The following PCDHGA9 variants were observed in gnomAD, a reference collection of about 807,000 sequenced individuals.
PCDHGA9 encodes the protein protocadherin gamma-A9.
In PCDHGA9, 37 loss-of-function variants were observed where a neutral mutation model predicts 62.5. The ratio of observed to expected loss-of-function variants is 0.59; its 90% CI spans 0.46 to 0.78. The LOEUF (loss-of-function observed/expected upper bound fraction) is 0.78. Ranked by LOEUF, PCDHGA9 falls within the 30% of genes least tolerant of loss-of-function variation. The pLI, the probability that PCDHGA9 is intolerant of heterozygous loss-of-function variation, is 0.00. For missense variants in PCDHGA9, 1,138 were observed against 1,166.2 expected, an observed-to-expected ratio of 0.98 and a Z score of 0.35; for synonymous variants, 459 against 484.6, an observed-to-expected ratio of 0.95 and a Z score of 0.69.
Position 141,489,140 on chromosome 5 carries a change from G to A in PCDHGA9, c.2425-5667G>A. ...CCTCCGAGCAGTTTTTAAGAGGCTG[G>A]AAGGAGACATAAGAGACTTCAGCTG... is the stretch of plus-strand genomic sequence containing the variant. On this transcript the variant is annotated intron_variant, in intron 1 of 3. Transcript: ENST00000573521. The surrounding 1 kb of genome is among the most constrained non-coding windows in gnomAD (Gnocchi z 4.5). The A allele has an allele frequency of 1.2e-6, 1 of 841,390 alleles. No individual in the cohort carries two copies. Among genetic ancestry groups the A allele is most frequent in the South Asian group, 2.1e-5 (1 of 47,082 alleles). The allele number at this position is 841,390 out of a possible 1,614,324, so 52.1% of individuals were successfully genotyped here.
In PCDHGA9 at chr5:141,477,625, C is replaced by T; in HGVS notation, c.2425-17182C>T. ...TTCTCTTGGAGCAAGGAGCTGAAACCGGGCTAGTGGGTCGCTATTTCACAA... is the reference window on the plus strand; with the variant it reads ...TTCTCTTGGAGCAAGGAGCTGAAACTGGGCTAGTGGGTCGCTATTTCACAA... On this transcript the variant is annotated intron_variant, in intron 1 of 3. Coordinates refer to ENST00000573521, the MANE Select transcript of PCDHGA9 (RefSeq NM_018921.3). This position sits in a 1 kb window ranked among gnomAD's most constrained non-coding sequence, Gnocchi z 4.9. The T allele has an allele frequency of 1.2e-6, 2 of 1,614,200 alleles. No homozygotes were observed. Among genetic ancestry groups the T allele is most frequent in the Non-Finnish European group, 1.7e-6 (2 of 1,180,046 alleles).
Position 141,489,195 on chromosome 5 carries a change from A to G in PCDHGA9, c.2425-5612A>G, listed in dbSNP as rs200660227. ...ATTCCAAGCCCTGGGTCTACCTTGG[A>G]GACAGGACAGCACAGACTTACTCTC... is the stretch of plus-strand genomic sequence containing the variant. On this transcript the variant is annotated intron_variant, in intron 1 of 3. Transcript: ENST00000573521. This position sits in a 1 kb window ranked among gnomAD's most constrained non-coding sequence, Gnocchi z 4.5. 1.8e-5 allele frequency: 25 copies of G among 1,383,116 alleles called. No individual in the cohort carries two copies. The East Asian group carries it at 4.8e-4, about 27-fold the overall frequency. 85.7% of individuals were successfully genotyped at this position (1,383,116 alleles called of 1,614,324 possible). A position where few individuals can be genotyped will look rare whatever the true frequency, so the allele number is the denominator to read the frequency against.
At chr5:141,466,180 A>T (rs566514149) in intron 1 of PCDHGA9, among the ~76,000 whole-genome samples, 100 of 151,254 alleles carry the variant, frequency 6.6e-4, no homozygotes, top group African/African-American at 2.1e-3. Context: ...TTTTATTTTT[A>T]TTTTTTTTCA....
In PCDHGA9 at chr5:141,419,975, G is replaced by A. The variant is rs372316838; in HGVS notation, c.2424+14599G>A. ...CTTGATTTCTGTGCTCTTTCTCCTC[G>A]CGGTGATTCTAGCTATTGCTCTACG... On this transcript the variant is annotated intron_variant, in intron 1 of 3. Coordinates refer to ENST00000573521, the MANE Select transcript of PCDHGA9 (RefSeq NM_018921.3). 273 of 1,613,928 alleles carry A rather than the reference G, an allele frequency of 1.7e-4. No homozygotes were observed. The highest frequency in any genetic ancestry group is 2.2e-4 in the Non-Finnish European group (261 of 1,179,916).
chr5:141,487,889 T>C lies in PCDHGA9; in HGVS notation c.2425-6918T>C, dbSNP rs984668596. On this transcript the variant is annotated intron_variant, in intron 1 of 3. Transcript: ENST00000573521. The surrounding 1 kb of genome is among the most constrained non-coding windows in gnomAD (Gnocchi z 5.0). ...CAAGAGCCAGGCTGTTGTGGAAGCA[T>C]GATGATGGAATGTGGGAGCACAGGA... 6.7e-6 allele frequency: 5 copies of C among 747,180 alleles called. No homozygotes were observed. The highest frequency in any genetic ancestry group is 1.1e-5 in the Non-Finnish European group (5 of 464,054). The allele number at this position is 747,180 out of a possible 1,614,324, so 46.3% of individuals were successfully genotyped here. A position where few individuals can be genotyped will look rare whatever the true frequency, so the allele number is the denominator to read the frequency against.
chr5:141,490,862 C>G lies in PCDHGA9; in HGVS notation c.2425-3945C>G. 1 of 1,613,878 alleles carries G rather than the reference C, an allele frequency of 6.2e-7. No homozygotes were observed. Among genetic ancestry groups the G allele is most frequent in the East Asian group, 2.2e-5 (1 of 44,874 alleles). ...GTGGTGGGGGTTCGAGACTCCGGCTCTCCCCCATTGCATGCCAACACATCT... is the reference window on the plus strand; with the variant it reads ...GTGGTGGGGGTTCGAGACTCCGGCTGTCCCCCATTGCATGCCAACACATCT... On this transcript the variant is annotated intron_variant, in intron 1 of 3. Coordinates refer to ENST00000573521, the MANE Select transcript of PCDHGA9 (RefSeq NM_018921.3). The surrounding 1 kb of genome is among the most constrained non-coding windows in gnomAD (Gnocchi z 5.4).
intron 1 of PCDHGA9, chr5:141,415,449 C>G: frequency 6.2e-7 from 1 of 1,614,182 alleles, no homozygotes; most frequent in Admixed American, 1.7e-5. Context: ...AGACCTATTC[C>G]CACGAGGTCT....
intron 1 of PCDHGA9, chr5:141,423,728 T>C (rs1312071121): frequency 9.4e-6 from 10 of 1,067,510 alleles, no homozygotes; most frequent in Non-Finnish European, 1.1e-5. Context: ...AGATGTTTTT[T>C]GAGCCTGTTA....
intron 1 of PCDHGA9, among the ~76,000 whole-genome samples, chr5:141,457,015 A>T (rs1216403373): frequency 6.6e-6 from 1 of 152,182 alleles, no homozygotes; most frequent in Admixed American, 6.5e-5. Context: ...AATCCAATAA[A>T]AAGTCCTAGT....
In PCDHGA9 at chr5:141,423,972, T is replaced by C. The variant is rs1459859824; in HGVS notation, c.2424+18596T>C. ...TTTAGTATTATTTTTCTATTATCAG[T>C]GTATGAGGCTCTCAATTTATTATAT... On this transcript the variant is annotated intron_variant, in intron 1 of 3. Transcript: ENST00000573521. 4 of 1,128,544 alleles carry C rather than the reference T, an allele frequency of 3.5e-6. No homozygotes were observed. The East Asian group carries it at 1.9e-4, about 53-fold the overall frequency. The allele number at this position is 1,128,544 out of a possible 1,614,324, so 69.9% of individuals were successfully genotyped here.
At chr5:141,409,515 T>G (rs1273041163) in intron 1 of PCDHGA9, 1 of 1,613,844 alleles carries the variant, frequency 6.2e-7, no homozygotes, top group Non-Finnish European at 8.5e-7. Context: ...AGTAGAAGCA[T>G]CACCTTGTAT....
intron 1 of PCDHGA9, chr5:141,478,831 G>C: frequency 7.0e-7 from 1 of 1,435,672 alleles, no homozygotes; most frequent in Non-Finnish European, 9.1e-7. Flanking sequence ...ATCTTGCTAA[G>C]GGATGGTTAA....
Position 141,487,622 on chromosome 5 carries a change from C to A in PCDHGA9, c.2425-7185C>A. 1 of 1,614,174 alleles carries A rather than the reference C, an allele frequency of 6.2e-7. No homozygotes were observed. Among genetic ancestry groups the A allele is most frequent in the Non-Finnish European group, 8.5e-7 (1 of 1,180,030 alleles). ...TCTTCTCTATGGGCTAGAGGTGAGACCTTTGCAGGCTCAACAAATGCTTGA... is the reference window on the plus strand; with the variant it reads ...TCTTCTCTATGGGCTAGAGGTGAGAACTTTGCAGGCTCAACAAATGCTTGA... On this transcript the variant is annotated intron_variant, in intron 1 of 3. Transcript: ENST00000573521. The surrounding 1 kb of genome is among the most constrained non-coding windows in gnomAD (Gnocchi z 5.0).
At chr5:141,458,359 A>C (rs2098943826) in intron 1 of PCDHGA9, among the ~76,000 whole-genome samples, 1 of 152,142 alleles carries the variant, frequency 6.6e-6, no homozygotes, top group Non-Finnish European at 1.5e-5. Context: ...AATAAGCAAG[A>C]AGGAAGGGAG....
chr5:141,439,162 C>T (rs1422780686), intron 1 of PCDHGA9, among the ~76,000 whole-genome samples: 1 of 149,498 alleles, frequency 6.7e-6, no homozygotes, highest in Non-Finnish European at 1.5e-5. Flanking sequence ...CACTGCACTC[C>T]AGCCTGGGCG....
chr5:141,421,429 G>A, intron 1 of PCDHGA9: 1 of 1,614,090 alleles, frequency 6.2e-7, no homozygotes, highest in Non-Finnish European at 8.5e-7. Context: ...AGTCCGCATC[G>A]TCTCCAGAGG....
At chr5:141,474,965 A>G (rs1268347441) in intron 1 of PCDHGA9, among the ~76,000 whole-genome samples, 1 of 152,236 alleles carries the variant, frequency 6.6e-6, no homozygotes, top group Non-Finnish European at 1.5e-5. Context: ...TATCCTAATC[A>G]TTATAATTTT....
In PCDHGA9 at chr5:141,410,139, T is replaced by C. The variant is rs73279096; in HGVS notation, c.2424+4763T>C. ...GCCCGCCAGCGCCTGCTGGTCGCTG[T>C]GCGTGACGGTGGACAGCCGCCACTC... On this transcript the variant is annotated intron_variant, in intron 1 of 3. Coordinates refer to ENST00000573521, the MANE Select transcript of PCDHGA9 (RefSeq NM_018921.3). The C allele has an allele frequency of 1.6e-4, 252 of 1,612,722 alleles. No individual in the cohort carries two copies. In the African/African-American group the frequency reaches 3.0e-3, roughly 19 times the overall value.
chr5:141,442,457 T>G (rs1209684998), intron 1 of PCDHGA9: 1 of 152,268 alleles, frequency 6.6e-6, no homozygotes, highest in African/African-American at 2.4e-5. Context: ...AATAGCAGTT[T>G]CACTGCAGAA....
Sources: gnomAD v4.1 joint callset for allele counts (sites outside exome capture counted in the v4.1 genomes callset) on GRCh38, gnomAD v4.1.1 for gene constraint, Gnocchi (gnomAD v3.1) non-coding constraint, MANE v1.5 for transcripts, NCBI Gene and HGNC (gene_info 2026-07-23, HGNC 2026-07-21) for gene names.